MICU1: variants seen among roughly 807,000 people sequenced by gnomAD.
MICU1 encodes mitochondrial calcium uptake 1.
A neutral mutation model predicts 56.8 loss-of-function variants in MICU1; 45 were observed. That is an observed-to-expected ratio of 0.79 (90% CI 0.62 to 1.02). The LOEUF is 1.02. Among genes scored for constraint, MICU1 ranks in the 50% least tolerant of loss-of-function variants. MICU1 has a pLI of 0.00. For synonymous variants in MICU1, 186 were observed against 195.1 expected (o/e 0.95, Z 0.39); for missense variants, 504 against 587.1 (o/e 0.86, Z 1.46).
chr10:72,380,665 CGTTAAAT>C (rs1564836981), intron 10 of MICU1, among the ~76,000 whole-genome samples: 1 of 152,136 alleles, frequency 6.6e-6, no homozygotes, highest in East Asian at 1.9e-4. Flanking sequence ...GGAAATGTGA[CGTTAAAT>C]AATTTGCCCA....
chr10:72,559,123 G>C (rs1840229495), intron 3 of MICU1, among the ~76,000 whole-genome samples: 1 of 152,122 alleles, frequency 6.6e-6, no homozygotes, highest in Non-Finnish European at 1.5e-5. Context: ...GTGAGTGCAA[G>C]GCTGCAGTGA....
At chr10:72,570,611 T>C (rs1007502727) in intron 1 of MICU1, among the ~76,000 whole-genome samples, 1 of 152,232 alleles carries the variant, frequency 6.6e-6, no homozygotes, top group Non-Finnish European at 1.5e-5. Context: ...TAATCTCTTA[T>C]GTAAACTTTG....
At chr10:72,576,424 T>C (rs1024949419) in intron 1 of MICU1, among the ~76,000 whole-genome samples, 3 of 152,092 alleles carry the variant, frequency 2.0e-5, no homozygotes, top group African/African-American at 7.2e-5. Flanking sequence ...GTGAGGCAGA[T>C]TTTAGTGGTC....
intron 5 of MICU1, among the ~76,000 whole-genome samples, chr10:72,509,930 C>T (rs1352374810): frequency 6.6e-6 from 1 of 151,776 alleles, no homozygotes; most frequent in Non-Finnish European, 1.5e-5. Context: ...CAAGATACTG[C>T]AAAGGTAAAC....
chr10:72,501,530 T>G lies in MICU1; in HGVS notation c.652+6625A>C, dbSNP rs185816936. ...AATATAGATATGTCTGTAGTGAATA[T>G]CATTACAAATTTATAATCAGTCATG... On this transcript the variant is annotated intron_variant, in intron 6 of 11. Coordinates refer to ENST00000361114, the MANE Select transcript of MICU1 (RefSeq NM_001195518.2). Among the ~76,000 whole-genome samples the G allele has an allele frequency of 4.6e-5, 7 of 152,196 alleles. No individual in the cohort carries two copies. In the East Asian group the frequency reaches 5.8e-4, roughly 13 times the overall value.
chr10:72,393,023 G>A (rs532304966), intron 10 of MICU1, among the ~76,000 whole-genome samples: 31 of 152,358 alleles, frequency 2.0e-4, no homozygotes, highest in African/African-American at 7.5e-4. Flanking sequence ...TGAAACATAT[G>A]TCAAGTCCAA....
intron 8 of MICU1, among the ~76,000 whole-genome samples, chr10:72,448,348 A>G (rs969751720): frequency 1.1e-4 from 17 of 150,734 alleles, no homozygotes; most frequent in Non-Finnish European, 1.5e-4. Flanking sequence ...TAATTTCTGT[A>G]TTTTTAGTAG....
intron 5 of MICU1, among the ~76,000 whole-genome samples, chr10:72,515,581 A>G (rs1158951429): frequency 6.6e-6 from 1 of 152,192 alleles, no homozygotes; most frequent in African/African-American, 2.4e-5. Flanking sequence ...CACACTTGTT[A>G]CTACCTTCTC....
chr10:72,458,917 C>T (rs1865563826), intron 8 of MICU1, among the ~76,000 whole-genome samples: 1 of 139,278 alleles, frequency 7.2e-6, no homozygotes, highest in Non-Finnish European at 1.5e-5. Flanking sequence ...TTTGTAGAGA[C>T]ATTATCTTCC....
At position 72,408,797 on chromosome 10, in the gene MICU1, CA is replaced by C. The variant is rs1863713248; in HGVS notation, c.1072-761del. On this transcript the variant is annotated intron_variant, in intron 9 of 11. Transcript: ENST00000361114. The stretch of plus-strand genomic sequence containing the variant: ...AGGCTTAAGCGAATTGAAGAATCAC[CA>C]AAGTCAGTGATATACAGGGGAACGG... Among the ~76,000 whole-genome samples the C allele has an allele frequency of 2.0e-5, 3 of 152,230 alleles. No homozygotes were observed. The South Asian group carries it at 6.2e-4, about 32-fold the overall frequency.
chr10:72,561,789 C>A (rs1443280410), intron 3 of MICU1, among the ~76,000 whole-genome samples: 1 of 152,154 alleles, frequency 6.6e-6, no homozygotes, highest in East Asian at 1.9e-4. Context: ...CTAGCCTGGG[C>A]AACAGAGGGA....
intron 6 of MICU1, among the ~76,000 whole-genome samples, chr10:72,500,689 G>T (rs530976607): frequency 6.6e-6 from 1 of 151,990 alleles, no homozygotes; most frequent in Non-Finnish European, 1.5e-5. Flanking sequence ...AGCCCACAGG[G>T]TTAATAACTT....
chr10:72,441,160 T>A (rs1008517233), intron 8 of MICU1, among the ~76,000 whole-genome samples: 5 of 152,086 alleles, frequency 3.3e-5, no homozygotes, highest in African/African-American at 1.2e-4. Flanking sequence ...CAAATGTCCA[T>A]CAATGATAGA....
chr10:72,491,709 T>C (rs1866660496), intron 6 of MICU1, among the ~76,000 whole-genome samples: 1 of 152,184 alleles, frequency 6.6e-6, no homozygotes, highest in African/African-American at 2.4e-5. Flanking sequence ...ATTTAGCCCA[T>C]GGAGGTACTC....
chr10:72,617,420 T>G (rs941743103), intron 1 of MICU1, among the ~76,000 whole-genome samples: 1 of 152,176 alleles, frequency 6.6e-6, no homozygotes. Context: ...AGGGGTACTA[T>G]GCTAAGTACC....
intron 8 of MICU1, among the ~76,000 whole-genome samples, chr10:72,464,670 T>C (rs1329373742): frequency 6.6e-6 from 1 of 152,162 alleles, no homozygotes; most frequent in African/African-American, 2.4e-5. Context: ...AATGATGAGA[T>C]CATCTAACAA....
chr10:72,560,147 A>T (rs1436742819), intron 3 of MICU1: 1 of 152,386 alleles, frequency 6.6e-6, no homozygotes, highest in Non-Finnish European at 1.5e-5. Flanking sequence ...AAAATACATG[A>T]TCAAAATGGA....
At chr10:72,488,924 T>C (rs2132298432) in intron 6 of MICU1, among the ~76,000 whole-genome samples, 1 of 152,298 alleles carries the variant, frequency 6.6e-6, no homozygotes, top group East Asian at 1.9e-4. Context: ...TTAGAAATAT[T>C]ACATTAATTT....
intron 4 of MICU1, among the ~76,000 whole-genome samples, chr10:72,541,009 G>A (rs540677240): frequency 1.3e-5 from 2 of 152,334 alleles, no homozygotes; most frequent in South Asian, 4.1e-4. Flanking sequence ...TATCTACAGA[G>A]CTCAGCTGAG....
Sources: allele counts gnomAD v4.1 joint callset (sites outside exome capture counted in the v4.1 genomes callset), GRCh38; gene constraint gnomAD v4.1.1; transcripts MANE v1.5; gene names NCBI Gene and HGNC (gene_info 2026-07-23, HGNC 2026-07-21).